Variants in LY96 observed in about 807,000 individuals in gnomAD.
LY96 encodes the protein myeloid differentiation protein-2.
LY96 carries 18 observed loss-of-function variants against 18.9 expected under a neutral mutation model. The ratio of observed to expected loss-of-function variants is 0.95; its 90% CI spans 0.66 to 1.41. The LOEUF is 1.41. LY96 is among the 40% of genes most tolerant of loss of function. The pLI, the probability that LY96 is intolerant of heterozygous loss-of-function variation, is 0.00. For missense variants in LY96, 175 were observed against 182.4 expected (o/e 0.96, Z 0.23); for synonymous variants, 66 against 62.6 (o/e 1.06, Z -0.26).
the LY96 span, among the ~76,000 whole-genome samples, chr8:74,069,933 T>C: frequency 1.3e-5 from 2 of 152,070 alleles, no homozygotes; most frequent in South Asian, 2.1e-4. Context: ...ATCAGTAATT[T>C]CAATTAGGAG....
chr8:74,070,949 G>T, the LY96 span, among the ~76,000 whole-genome samples: 4 of 152,014 alleles, frequency 2.6e-5, no homozygotes, highest in African/African-American at 9.7e-5. Context: ...TCCTTACTGA[G>T]TATCCAGTGT....
chr8:74,002,573 CTTTT>C (rs750666985), intron 1 of LY96, among the ~76,000 whole-genome samples: 3 of 131,406 alleles, frequency 2.3e-5, no homozygotes, highest in Admixed American at 7.7e-5. Context: ...TTATTTATTT[CTTTT>C]TTTTTTTTTT....
intron 3 of LY96, among the ~76,000 whole-genome samples, chr8:74,011,222 C>G (rs1563714983): frequency 1.3e-5 from 2 of 152,164 alleles, no homozygotes; most frequent in South Asian, 4.1e-4. Flanking sequence ...TCACCACATA[C>G]AAAAATCAAC....
chr8:74,012,578 G>A (rs1238411980), intron 3 of LY96, among the ~76,000 whole-genome samples: 1 of 152,086 alleles, frequency 6.6e-6, no homozygotes, highest in Non-Finnish European at 1.5e-5. Context: ...TATGTTACTT[G>A]GGTGATGGGC....
chr8:74,096,283 C>T, the LY96 span, among the ~76,000 whole-genome samples: 1 of 152,164 alleles, frequency 6.6e-6, no homozygotes, highest in Non-Finnish European at 1.5e-5. Flanking sequence ...TCATTAAGAC[C>T]AATGAGGCTC....
At chr8:74,084,611 C>T in the LY96 span, among the ~76,000 whole-genome samples, 17 of 152,222 alleles carry the variant, frequency 1.1e-4, no homozygotes, top group East Asian at 1.9e-4. Context: ...TTCAATCTCT[C>T]TCTCTCTTTT....
the LY96 span, among the ~76,000 whole-genome samples, chr8:74,042,741 G>C: frequency 6.6e-5 from 10 of 151,524 alleles, no homozygotes; most frequent in South Asian, 1.9e-3. Context: ...AGTTTGTTAA[G>C]ATTTAGGCTT....
the LY96 span, among the ~76,000 whole-genome samples, chr8:74,095,928 C>T: frequency 1.1e-3 from 169 of 152,290 alleles, no homozygotes; most frequent in Non-Finnish European, 2.1e-3. Flanking sequence ...TCCACCTTCA[C>T]GTGTCTGAAA....
intron 2 of LY96, among the ~76,000 whole-genome samples, chr8:74,007,405 A>C (rs1471271828): frequency 3.3e-5 from 5 of 152,248 alleles, no homozygotes; most frequent in Non-Finnish European, 1.5e-5. Flanking sequence ...ATTCATTAAC[A>C]AAATAATTAT....
the LY96 span, among the ~76,000 whole-genome samples, chr8:74,067,716 T>G: frequency 2.6e-5 from 4 of 151,788 alleles, no homozygotes; most frequent in African/African-American, 9.7e-5. Context: ...CTGAGGTTAA[T>G]GCTGAGTTTT....
At chr8:74,080,970 TTCTTTCTTTCTCTC>T in the LY96 span, among the ~76,000 whole-genome samples, 1 of 146,034 alleles carries the variant, frequency 6.8e-6, no homozygotes. Flanking sequence ...TGTGCCTTCT[TTCTTTCTTTCTCTC>T]TCTTTCTTTC....
At position 74,002,085 on chromosome 8, in the gene LY96, TTCTTTCTTTC is replaced by T. The variant is rs1486739764; in HGVS notation, c.113-2707_113-2698del. 3.9e-3 allele frequency among the ~76,000 whole-genome samples: 114 copies of T among 29,338 alleles called. 24 individuals are homozygous for T. Among genetic ancestry groups the T allele is most frequent in the African/African-American group, 0.019 (104 of 5,340 alleles). The allele number at this position is 29,338 out of a possible 152,430, so 19.2% of individuals were successfully genotyped here. ...TTCCTTCCTTCCTTCCTTTCTTTCT[TTCTTTCTTTC>T]TCTCTCTCTCTCTCTCTCTCTCTCT... On this transcript the variant is annotated intron_variant, in intron 1 of 4. Transcript: ENST00000284818.
At chr8:74,092,296 A>C in the LY96 span, among the ~76,000 whole-genome samples, 9 of 152,214 alleles carry the variant, frequency 5.9e-5, no homozygotes, top group Non-Finnish European at 1.0e-4. Context: ...GCAGAGTTCC[A>C]GTATCCCCAC....
intron 1 of LY96, among the ~76,000 whole-genome samples, chr8:74,001,023 C>T (rs369381686): frequency 7.9e-5 from 12 of 152,264 alleles, no homozygotes; most frequent in African/African-American, 2.9e-4. Context: ...GAGGTTCCAC[C>T]CCTCAACACT....
downstream of LY96, among the ~76,000 whole-genome samples, chr8:74,029,844 G>C (rs936851402): frequency 6.6e-6 from 1 of 152,150 alleles, no homozygotes; most frequent in African/African-American, 2.4e-5. Flanking sequence ...ATTTTTAGTG[G>C]AGATGGGGTT....
intron 3 of LY96, among the ~76,000 whole-genome samples, chr8:74,025,078 T>C (rs1008854109): frequency 2.0e-5 from 3 of 152,190 alleles, no homozygotes; most frequent in South Asian, 4.1e-4. Context: ...CTACCCTCTT[T>C]GGCCTCCCAA....
At chr8:74,030,294 C>A (rs902475536), downstream of LY96, among the ~76,000 whole-genome samples, 10 of 152,158 alleles carry the variant, frequency 6.6e-5, no homozygotes, top group African/African-American at 2.4e-4. Context: ...GGGCAGATCA[C>A]CTGAGGTCAG....
chr8:74,073,480 C>A, the LY96 span, among the ~76,000 whole-genome samples: 1 of 152,090 alleles, frequency 6.6e-6, no homozygotes, highest in Admixed American at 6.6e-5. Context: ...CAGAGCACAG[C>A]CATGTAGCAG....
chr8:74,048,636 C>T, the LY96 span: 1 of 152,200 alleles, frequency 6.6e-6, no homozygotes, highest in Non-Finnish European at 1.5e-5. Flanking sequence ...GAATTGCACT[C>T]ATTACTTTTA....
Sources: gnomAD v4.1 joint callset for allele counts (sites outside exome capture counted in the v4.1 genomes callset) on GRCh38, gnomAD v4.1.1 for gene constraint, MANE v1.5 for transcripts, NCBI Gene and HGNC (gene_info 2026-07-23, HGNC 2026-07-21) for gene names.